The following JAZF1 variants were observed in gnomAD, a reference collection of about 807,000 sequenced individuals.
JAZF1 encodes the protein JAZF zinc finger 1, also known as juxtaposed with another zinc finger protein 1.
JAZF1 carries 8 observed loss-of-function variants against 26.4 expected under a neutral mutation model. The ratio of observed to expected loss-of-function variants is 0.30; its 90% confidence interval spans 0.18 to 0.55. JAZF1 has a LOEUF of 0.55. Among genes scored for constraint, JAZF1 ranks in the 20% least tolerant of loss-of-function variants. The pLI is 0.94. For missense variants in JAZF1, 199 were observed against 322.0 expected (o/e 0.62, Z 2.92); for synonymous variants, 126 against 122.3 (o/e 1.03, Z -0.20).
intron 1 of JAZF1, among the ~76,000 whole-genome samples, chr7:28,153,734 C>G (rs181547392): frequency 3.5e-4 from 53 of 152,246 alleles, no homozygotes; most frequent in African/African-American, 1.2e-3. Flanking sequence ...TTCTTGATAG[C>G]CTTTCTACAG....
At chr7:28,078,689 T>C (rs1562579907) in intron 1 of JAZF1, among the ~76,000 whole-genome samples, 1 of 152,210 alleles carries the variant, frequency 6.6e-6, no homozygotes, top group Non-Finnish European at 1.5e-5. Context: ...CACTATACTC[T>C]GGCCCCTTTT....
chr7:27,992,018 T>A (rs201367400), intron 1 of JAZF1, 37 bp from the exon 2 acceptor site: 2 of 1,313,018 alleles, frequency 1.5e-6, no homozygotes, highest in East Asian at 2.3e-5. Flanking sequence ...TTTTTAGATT[T>A]TGCATCAGAA....
chr7:27,854,836 G>A (rs1783214070), intron 3 of JAZF1, among the ~76,000 whole-genome samples: 1 of 152,136 alleles, frequency 6.6e-6, no homozygotes, highest in South Asian at 2.1e-4. Context: ...ACAATTATGT[G>A]TCTTGGGGTT....
intron 1 of JAZF1, among the ~76,000 whole-genome samples, chr7:28,146,860 T>C (rs1179361255): frequency 1.3e-5 from 2 of 151,548 alleles, no homozygotes; most frequent in African/African-American, 4.9e-5. Context: ...GGTGGTTTTT[T>C]TTTGTTTTTT....
intron 1 of JAZF1, among the ~76,000 whole-genome samples, chr7:28,057,874 AT>A (rs1783737417): frequency 6.6e-6 from 1 of 152,092 alleles, no homozygotes; most frequent in Admixed American, 6.5e-5. Flanking sequence ...TGTCAACTCT[AT>A]TCATCTTTTC....
At chr7:28,154,985 T>C (rs1783159932) in intron 1 of JAZF1, among the ~76,000 whole-genome samples, 1 of 152,040 alleles carries the variant, frequency 6.6e-6, no homozygotes, top group African/African-American at 2.4e-5. Flanking sequence ...CAGTAAGATA[T>C]TTGCAATTGC....
At chr7:27,882,830 G>A (rs1783795323) in intron 3 of JAZF1, among the ~76,000 whole-genome samples, 1 of 152,154 alleles carries the variant, frequency 6.6e-6, no homozygotes, top group Non-Finnish European at 1.5e-5. Flanking sequence ...ACTGGTGGTG[G>A]CAGGGACGGG....
intron 3 of JAZF1, among the ~76,000 whole-genome samples, chr7:27,884,340 G>A (rs1783823225): frequency 6.6e-6 from 1 of 152,212 alleles, no homozygotes; most frequent in Admixed American, 6.5e-5. Context: ...ATGATGACCA[G>A]GTTGGTCTCA....
chr7:27,958,254 CA>C (rs1477526243), intron 2 of JAZF1, among the ~76,000 whole-genome samples: 1 of 152,150 alleles, frequency 6.6e-6, no homozygotes, highest in Non-Finnish European at 1.5e-5. Context: ...GGTGGCTCTA[CA>C]AGAAAATGCT....
At position 27,840,357 on chromosome 7, in the gene JAZF1, A is replaced by AG. The variant is rs1782899111; in HGVS notation, c.555+340dup. Among the ~76,000 whole-genome samples, 1 of 152,244 alleles carries AG rather than the reference A, an allele frequency of 6.6e-6. No homozygotes were observed. Among genetic ancestry groups the AG allele is most frequent in the South Asian group, 2.1e-4 (1 of 4,834 alleles). On this transcript the variant is annotated intron_variant, in intron 4 of 4. Coordinates refer to ENST00000283928, the MANE Select transcript of JAZF1 (RefSeq NM_175061.4). The surrounding 1 kb of genome is among the most constrained non-coding windows in gnomAD (Gnocchi z 5.1). Reference sequence around the variant, plus strand: ...GGGGAAGGTGCTTGGCAAATAAAGTAGGTTGACATATTTGATATTCTGTTC... The same window carrying AG: ...GGGGAAGGTGCTTGGCAAATAAAGTAGGGTTGACATATTTGATATTCTGTTC...
At chr7:28,153,935 C>G (rs1407600150) in intron 1 of JAZF1, among the ~76,000 whole-genome samples, 1 of 152,062 alleles carries the variant, frequency 6.6e-6, no homozygotes, top group Non-Finnish European at 1.5e-5. Context: ...ACCCCCTCCC[C>G]CTGGAACAAT....
intron 2 of JAZF1, among the ~76,000 whole-genome samples, chr7:27,943,767 G>A (rs894399122): frequency 6.6e-6 from 1 of 152,142 alleles, no homozygotes; most frequent in African/African-American, 2.4e-5. Flanking sequence ...CATTTGGGGT[G>A]AGCTACAAAG....
rs1211538024 is a variant in JAZF1 at position 27,840,300 on chromosome 7, T to C, written c.555+398A>G. Among the ~76,000 whole-genome samples, 2 of 152,176 alleles carry C rather than the reference T, an allele frequency of 1.3e-5. No homozygotes were observed. The highest frequency in any genetic ancestry group is 2.4e-5 in the African/African-American group (1 of 41,446). ...TGGGGCTTTTACAACTTCAAAGTGGTCTCCCGTGAGCCATCTGTAGGGCCA... is the reference window on the plus strand; with the variant it reads ...TGGGGCTTTTACAACTTCAAAGTGGCCTCCCGTGAGCCATCTGTAGGGCCA... On this transcript the variant is annotated intron_variant, in intron 4 of 4. Transcript: ENST00000283928. This position sits in a 1 kb window ranked among gnomAD's most constrained non-coding sequence, Gnocchi z 5.1.
At chr7:28,125,993 T>C (rs1354366808) in intron 1 of JAZF1, among the ~76,000 whole-genome samples, 2 of 152,168 alleles carry the variant, frequency 1.3e-5, no homozygotes, top group African/African-American at 4.8e-5. Context: ...CGGAATGGGA[T>C]CCAAGCAAAC....
At chr7:27,898,158 C>T (rs7806217) in intron 2 of JAZF1, among the ~76,000 whole-genome samples, 11,468 of 151,838 alleles carry the variant, frequency 0.076, 520 homozygotes, top group African/African-American at 0.12. Flanking sequence ...ACACGTGCCT[C>T]GTGTAGAGCA....
At chr7:28,026,657 T>C (rs1202453419) in intron 1 of JAZF1, among the ~76,000 whole-genome samples, 2 of 152,232 alleles carry the variant, frequency 1.3e-5, no homozygotes, top group Admixed American at 6.5e-5. Flanking sequence ...TAAGGTACCA[T>C]GCAAAGGCTA....
rs941970836 is a variant in JAZF1, at chr7:27,852,107, G to T, written c.386-11240C>A. On this transcript the variant is annotated intron_variant, in intron 3 of 4. Transcript: ENST00000283928. ...TAGACTCCTAGGTTTTTTGACCAAC[G>T]TTTGCTTGCTCAATAAACAGGACTT... is the stretch of plus-strand genomic sequence containing the variant. Among the ~76,000 whole-genome samples, 3 of 149,886 alleles carry T rather than the reference G, an allele frequency of 2.0e-5. No individual in the cohort carries two copies. The East Asian group carries it at 5.9e-4, about 29-fold the overall frequency.
intron 1 of JAZF1, among the ~76,000 whole-genome samples, chr7:28,100,566 T>G (rs780457514): frequency 1.6e-4 from 25 of 152,192 alleles, no homozygotes; most frequent in Non-Finnish European, 3.2e-4. Flanking sequence ...AAGTTTAATT[T>G]ACAGTCCTGT....
intron 1 of JAZF1, among the ~76,000 whole-genome samples, chr7:28,158,182 C>CAGAG (rs1554292389): frequency 9.5e-6 from 1 of 105,106 alleles, no homozygotes; most frequent in African/African-American, 4.6e-5. Context: ...CACACACACA[C>CAGAG]ACACAGAGAG....
Sources: gnomAD v4.1 joint callset for allele counts (sites outside exome capture counted in the v4.1 genomes callset) on GRCh38, gnomAD v4.1.1 for gene constraint, Gnocchi (gnomAD v3.1) non-coding constraint, MANE v1.5 for transcripts, NCBI Gene and HGNC (gene_info 2026-07-23, HGNC 2026-07-21) for gene names.